LCORL: variants seen among roughly 807,000 people sequenced by gnomAD.
LCORL encodes ligand dependent nuclear receptor corepressor like, also known as ligand-dependent nuclear receptor corepressor-like protein.
Under a neutral mutation model 141.8 loss-of-function variants are expected in LCORL, and 41 were observed. That is an observed-to-expected ratio of 0.29 (90% CI 0.23 to 0.38). The LOEUF (loss-of-function observed/expected upper bound fraction) is 0.38. Among genes scored for constraint, LCORL ranks in the 10% least tolerant of loss-of-function variants. The pLI is 1.00. For synonymous variants in LCORL, 618 were observed against 694.1 expected, an observed-to-expected ratio of 0.89 and a Z score of 1.72; for missense variants, 1,759 against 2,035.0, an observed-to-expected ratio of 0.86 and a Z score of 2.61.
intron 6 of LCORL, among the ~76,000 whole-genome samples, chr4:17,885,099 T>C (rs981697755): frequency 2.0e-5 from 3 of 151,944 alleles, no homozygotes; most frequent in Admixed American, 6.6e-5. Flanking sequence ...AGCTCCATTA[T>C]AAAAAGTACC....
chr4:17,983,321 T>C (rs965795919), intron 1 of LCORL, among the ~76,000 whole-genome samples: 3 of 152,232 alleles, frequency 2.0e-5, no homozygotes, highest in Non-Finnish European at 4.4e-5. Context: ...GACAGTTTGA[T>C]AGAAATAGCA....
At chr4:17,960,566 G>A (rs1713574269) in intron 4 of LCORL, among the ~76,000 whole-genome samples, 1 of 152,026 alleles carries the variant, frequency 6.6e-6, no homozygotes, top group African/African-American at 2.4e-5. Context: ...TTTCCTGTAA[G>A]TGAATACTAA....
intron 4 of LCORL, among the ~76,000 whole-genome samples, chr4:17,941,135 G>A (rs1348113605): frequency 1.3e-5 from 2 of 152,130 alleles, no homozygotes; most frequent in Non-Finnish European, 2.9e-5. Context: ...CCAGCACTTT[G>A]GGAGGCCGAG....
intron 4 of LCORL, chr4:17,912,779 G>T: frequency 2.4e-6 from 1 of 422,252 alleles, no homozygotes; most frequent in South Asian, 1.9e-5. Flanking sequence ...CCAGGCCCAG[G>T]AGTACGAGGT....
chr4:17,900,747 CAA>C (rs770704817), intron 5 of LCORL, among the ~76,000 whole-genome samples: 4 of 151,676 alleles, frequency 2.6e-5, no homozygotes, highest in Non-Finnish European at 4.4e-5. Context: ...TACACAGAAA[CAA>C]AGAGATGGAA....
chr4:17,859,148 G>T (rs1724700419), intron 7 of LCORL, among the ~76,000 whole-genome samples: 1 of 152,152 alleles, frequency 6.6e-6, no homozygotes, highest in Admixed American at 6.5e-5. Context: ...TATTCCGTAA[G>T]TTACATGAGA....
chr4:17,878,463 TATG>T (rs937188727), intron 6 of LCORL, among the ~76,000 whole-genome samples: 1 of 151,270 alleles, frequency 6.6e-6, no homozygotes, highest in African/African-American at 2.4e-5. Context: ...TGATTATACA[TATG>T]ATTACATTTA....
chr4:17,924,423 G>A (rs1343310311), intron 4 of LCORL, among the ~76,000 whole-genome samples: 6 of 152,192 alleles, frequency 3.9e-5, no homozygotes, highest in Non-Finnish European at 8.8e-5. Flanking sequence ...GGCCACTGCT[G>A]AGAGCCCAAT....
intron 1 of LCORL, among the ~76,000 whole-genome samples, chr4:18,001,706 G>A (rs974975785): frequency 4.6e-5 from 7 of 152,136 alleles, no homozygotes; most frequent in African/African-American, 1.7e-4. Context: ...ATTTTGCAAG[G>A]TTACACAGTT....
intron 1 of LCORL, among the ~76,000 whole-genome samples, chr4:17,974,516 T>G (rs1319003527): frequency 6.6e-6 from 1 of 152,136 alleles, no homozygotes; most frequent in Non-Finnish European, 1.5e-5. Flanking sequence ...AGACAGAAAC[T>G]ATTTCCATCA....
At chr4:17,873,424 T>C (rs1726582167) in exon 7 of LCORL, 2 of 1,233,904 alleles carry the variant, frequency 1.6e-6, no homozygotes, top group East Asian at 3.2e-5. Context: ...ATTTGTCCAC[T>C]GTTGCAAGAC....
intron 5 of LCORL, among the ~76,000 whole-genome samples, chr4:17,899,146 T>C (rs1048539386): frequency 1.3e-5 from 2 of 152,206 alleles, no homozygotes; most frequent in African/African-American, 4.8e-5. Flanking sequence ...ATTTCAATTT[T>C]TTGAAACTCT....
At chr4:17,919,906 T>C (rs763804006) in intron 4 of LCORL, among the ~76,000 whole-genome samples, 4 of 152,194 alleles carry the variant, frequency 2.6e-5, no homozygotes, top group African/African-American at 9.6e-5. Context: ...GAAGCTTCCA[T>C]AAAAACCCAA....
intron 5 of LCORL, among the ~76,000 whole-genome samples, chr4:17,894,582 GT>G (rs1729603773): frequency 6.6e-6 from 1 of 152,148 alleles, no homozygotes; most frequent in South Asian, 2.1e-4. Context: ...TTTAAAAACA[GT>G]TTTGTAGATC....
At chr4:17,999,152 C>A (rs1308224068) in intron 1 of LCORL, among the ~76,000 whole-genome samples, 2 of 150,980 alleles carry the variant, frequency 1.3e-5, no homozygotes, top group Non-Finnish European at 2.9e-5. Context: ...ACTACAAACA[C>A]GTGAGTAATG....
intron 7 of LCORL, among the ~76,000 whole-genome samples, chr4:17,849,720 G>C (rs1349703223): frequency 1.3e-5 from 2 of 152,232 alleles, no homozygotes; most frequent in Non-Finnish European, 2.9e-5. Flanking sequence ...GTAATTTATA[G>C]ATTTAATGCC....
At chr4:17,993,983 A>G (rs958323956) in intron 1 of LCORL, among the ~76,000 whole-genome samples, 1 of 152,188 alleles carries the variant, frequency 6.6e-6, no homozygotes, top group African/African-American at 2.4e-5. Flanking sequence ...GAGTGATTAA[A>G]TATTCACTAA....
chr4:17,913,122 G>A (rs1732846466), intron 4 of LCORL: 2 of 188,338 alleles, frequency 1.1e-5, no homozygotes, highest in Non-Finnish European at 2.2e-5. Context: ...CAATTTGTGA[G>A]GACAAAAATC....
intron 2 of LCORL, among the ~76,000 whole-genome samples, chr4:17,967,779 C>T (rs1393079520): frequency 1.3e-5 from 2 of 152,086 alleles, no homozygotes; most frequent in Non-Finnish European, 2.9e-5. Flanking sequence ...AAGTATGTAT[C>T]AAATATCAGG....
Sources: allele counts gnomAD v4.1 joint callset (sites outside exome capture counted in the v4.1 genomes callset), GRCh38; gene constraint gnomAD v4.1.1; transcripts MANE v1.5; gene names NCBI Gene and HGNC (gene_info 2026-07-23, HGNC 2026-07-21).